SEMA7A: variants seen among roughly 807,000 people sequenced by gnomAD.
The protein encoded by SEMA7A is semaphorin-7A.
Under a neutral mutation model 67.5 loss-of-function variants are expected in SEMA7A, and 21 were observed. The ratio of observed to expected loss-of-function variants is 0.31; its 90% CI spans 0.22 to 0.45. The LOEUF (loss-of-function observed/expected upper bound fraction) is 0.45, where lower values mean the gene tolerates loss of function less well. Ranked by LOEUF, SEMA7A falls within the 20% of genes least tolerant of loss-of-function variation. The pLI, the probability that SEMA7A is intolerant of heterozygous loss-of-function variation, is 1.00. For synonymous variants in SEMA7A, 364 were observed against 368.5 expected (o/e 0.99, Z 0.14); for missense variants, 774 against 908.6 (o/e 0.85, Z 1.90).
At chr15:74,417,727 T>C in intron 4 of SEMA7A, 52 bp from the exon 5 acceptor site, 2 of 1,561,998 alleles carry the variant, frequency 1.3e-6, no homozygotes, top group Non-Finnish European at 8.8e-7. Flanking sequence ...AGCCACTGCC[T>C]CCCATGACGG....
At chr15:74,419,526 TAGTG>T (rs1314229284) in intron 1 of SEMA7A, among the ~76,000 whole-genome samples, 1 of 152,152 alleles carries the variant, frequency 6.6e-6, no homozygotes, top group South Asian at 2.1e-4. Context: ...CCCAGCCCCT[TAGTG>T]AGCACTAGAC....
Position 74,416,573 on chromosome 15 carries a change from A to G in SEMA7A, c.801+2T>C. 6.2e-7 allele frequency: 1 copy of G among 1,613,594 alleles called. No individual in the cohort carries two copies. The highest frequency in any genetic ancestry group is 8.5e-7 in the Non-Finnish European group (1 of 1,179,712). The stretch of plus-strand genomic sequence containing the variant: ...GCCAGCAGCCCTCACGCCCCTGCTC[A>G]CCCTGCACAACTGGGCCACACGGGA... On this transcript the variant is annotated splice_donor_variant, in intron 7 of 13. Transcript: ENST00000261918. LOFTEE classifies it high-confidence loss of function.
rs374736736 is a variant in SEMA7A at position 74,427,067 on chromosome 15, G to A, written c.178+6674C>T. The A allele has an allele frequency of 4.4e-3, 1,196 of 274,618 alleles. 5 individuals carry two copies. The highest frequency in any genetic ancestry group is 5.8e-3 in the Non-Finnish European group (1,054 of 180,172). The allele number at this position is 274,618 out of a possible 1,614,324, so 17.0% of individuals were successfully genotyped here. A position where few individuals can be genotyped will look rare whatever the true frequency, so the allele number is the denominator to read the frequency against. On this transcript the variant is annotated intron_variant, in intron 1 of 13. Transcript: ENST00000261918. ...CTTCCTCCTTTTCTCTGTGCACATGGATCTTACCTGTCCTTGAAAATGTAG... is the reference window on the plus strand; with the variant it reads ...CTTCCTCCTTTTCTCTGTGCACATGAATCTTACCTGTCCTTGAAAATGTAG...
chr15:74,429,906 C>A (rs1006577795), intron 1 of SEMA7A, among the ~76,000 whole-genome samples: 2 of 152,084 alleles, frequency 1.3e-5, no homozygotes, highest in African/African-American at 2.4e-5. Flanking sequence ...CCTCCTCCTG[C>A]CATTTCAGCT....
Position 74,417,378 on chromosome 15 carries a change from G to T in SEMA7A, c.618C>A (p.Ile206=). ...YNGKIPRFRR[I]RGESELYTSD... ...TGGTGTACAGCTCACTCTCGCCCCG[G>T]ATGCGGCGGAACCGAGGGATCTTCC... The change falls in exon 6 of 14, where the codon ATC becomes ATA. Residue 206 remains isoleucine, a synonymous_variant. Coordinates refer to ENST00000261918, the MANE Select transcript of SEMA7A (RefSeq NM_003612.5). 6.2e-7 allele frequency: 1 copy of T among 1,614,032 alleles called. No individual in the cohort carries two copies. The highest frequency in any genetic ancestry group is 8.5e-7 in the Non-Finnish European group (1 of 1,179,992).
intron 1 of SEMA7A, 103 bp from the exon 2 acceptor site, chr15:74,419,055 G>A (rs932434195): frequency 2.0e-5 from 26 of 1,329,374 alleles, no homozygotes; most frequent in Non-Finnish European, 2.6e-5. Flanking sequence ...TGGTGCTCAG[G>A]GTCCTGGCAG....
intron 8 of SEMA7A, 56 bp from the exon 9 acceptor site, chr15:74,415,002 C>T: frequency 6.9e-7 from 1 of 1,440,996 alleles, no homozygotes. Flanking sequence ...CCATCCACCT[C>T]CACTCACCCA....
At chr15:74,417,997 A>G in intron 3 of SEMA7A, 28 bp from the exon 4 acceptor site, 1 of 1,609,666 alleles carries the variant, frequency 6.2e-7, no homozygotes, top group South Asian at 1.1e-5. Flanking sequence ...AAGGGAGGAG[A>G]GAAATTGGTT....
chr15:74,414,660 A>G lies in SEMA7A; in HGVS notation c.1181T>C (p.Met394Thr), dbSNP rs748307222. 6.2e-7 allele frequency: 1 copy of G among 1,613,974 alleles called. No homozygotes were observed. The highest frequency in any genetic ancestry group is 2.2e-5 in the East Asian group (1 of 44,876). ...GAACAATGGCGTCTTCAGAGGCCCCATGGGCTCCACCCTCTGCGCCACCTC... is the reference window on the plus strand; with the variant it reads ...GAACAATGGCGTCTTCAGAGGCCCCGTGGGCTCCACCCTCTGCGCCACCTC... ...HPEVAQRVEP[M>T]GPLKTPLFHS... Residue 394 changes from methionine to threonine, a missense_variant, in exon 10 of 14, where the codon ATG (methionine) becomes ACG (threonine). Coordinates refer to ENST00000261918, the MANE Select transcript of SEMA7A (RefSeq NM_003612.5). This position sits in a 1 kb window ranked among gnomAD's most constrained non-coding sequence, Gnocchi z 4.1.
intron 1 of SEMA7A, among the ~76,000 whole-genome samples, chr15:74,424,295 C>G (rs1401286612): frequency 6.6e-6 from 1 of 152,104 alleles, no homozygotes; most frequent in Non-Finnish European, 1.5e-5. Context: ...TTGTTTGGGC[C>G]TGGGTTTTAT....
chr15:74,429,722 G>A (rs909251166), intron 1 of SEMA7A, among the ~76,000 whole-genome samples: 4 of 152,084 alleles, frequency 2.6e-5, no homozygotes, highest in Non-Finnish European at 5.9e-5. Flanking sequence ...ATGCCCATCT[G>A]GACAAGTTTC....
chr15:74,421,840 C>T (rs1036222782), intron 1 of SEMA7A, among the ~76,000 whole-genome samples: 1 of 152,230 alleles, frequency 6.6e-6, no homozygotes, highest in Non-Finnish European at 1.5e-5. Context: ...AGTCTCTGCC[C>T]AGGCAGGGGC....
At chr15:74,412,947 G>C (rs1444461647) in intron 10 of SEMA7A, among the ~76,000 whole-genome samples, 1 of 152,114 alleles carries the variant, frequency 6.6e-6, no homozygotes, top group African/African-American at 2.4e-5. Context: ...CACAATTAGG[G>C]ACCAATGGGC....
intron 1 of SEMA7A, among the ~76,000 whole-genome samples, chr15:74,424,384 C>G (rs1370314431): frequency 5.9e-5 from 9 of 152,308 alleles, no homozygotes; most frequent in African/African-American, 2.2e-4. Flanking sequence ...GTGTGACTCT[C>G]TGAGTGCCAG....
rs921797222 is a variant in SEMA7A, at chr15:74,427,519, C to T, written c.178+6222G>A. 3.9e-5 allele frequency among the ~76,000 whole-genome samples: 6 copies of T among 152,050 alleles called. No individual in the cohort carries two copies. In the South Asian group the frequency reaches 6.2e-4, roughly 16 times the overall value. On this transcript the variant is annotated intron_variant, in intron 1 of 13. Coordinates refer to ENST00000261918, the MANE Select transcript of SEMA7A (RefSeq NM_003612.5). ...AATTTTTTTGTATTTTTAGTAAAGA[C>T]GGGGTTTCACCATGTTGGCCAGGCT...
chr15:74,418,519 C>T (rs2141279516), intron 2 of SEMA7A, among the ~76,000 whole-genome samples: 1 of 152,318 alleles, frequency 6.6e-6, no homozygotes, highest in African/African-American at 2.4e-5. Context: ...TTCAGAAGAC[C>T]AGGCATGGGC....
chr15:74,415,711 C>G, intron 8 of SEMA7A, 90 bp downstream of exon 8: 2 of 1,321,292 alleles, frequency 1.5e-6, no homozygotes, highest in Non-Finnish European at 2.1e-6. Flanking sequence ...CCTGCCACAC[C>G]AGGGAGGCCC....
intron 7 of SEMA7A, 83 bp from the exon 8 acceptor site, chr15:74,416,068 T>C (rs1218696833): frequency 4.3e-6 from 6 of 1,395,190 alleles, no homozygotes; most frequent in Admixed American, 3.6e-5. Context: ...GCCAGCAATA[T>C]CAACACCTGG....
chr15:74,431,630 A>G (rs2061089201), intron 1 of SEMA7A, among the ~76,000 whole-genome samples: 1 of 152,210 alleles, frequency 6.6e-6, no homozygotes, highest in African/African-American at 2.4e-5. Context: ...AGGCTTCCAG[A>G]AAGACCCCCT....
Sources: gnomAD v4.1 joint callset for allele counts (sites outside exome capture counted in the v4.1 genomes callset) on GRCh38, gnomAD v4.1.1 for gene constraint, Gnocchi (gnomAD v3.1) non-coding constraint, MANE v1.5 for transcripts, NCBI Gene and HGNC (gene_info 2026-07-23, HGNC 2026-07-21) for gene names.